VWF: variants seen among roughly 807,000 people sequenced by gnomAD.
VWF encodes von Willebrand factor.
In VWF, 176 loss-of-function variants were observed where a neutral mutation model predicts 308.6. The observed-to-expected ratio is 0.57, with a 90% CI of 0.50 to 0.65. The LOEUF is 0.65. Among genes scored for constraint, VWF ranks in the 30% least tolerant of loss-of-function variants. VWF has a pLI of 0.00. For missense variants in VWF, 3,146 were observed against 3,648.2 expected (o/e 0.86, Z 3.55); for synonymous variants, 1,385 against 1,443.4 (o/e 0.96, Z 0.92).
intron 34 of VWF, among the ~76,000 whole-genome samples, chr12:6,006,171 T>G (rs1209809176): frequency 6.6e-6 from 1 of 152,340 alleles, no homozygotes; most frequent in South Asian, 2.1e-4. Flanking sequence ...TAAGTTGTTA[T>G]AAGCTTAGAA....
At chr12:6,007,356 AG>A (rs1943940986) in intron 34 of VWF, among the ~76,000 whole-genome samples, 1 of 152,252 alleles carries the variant, frequency 6.6e-6, no homozygotes, top group African/African-American at 2.4e-5. Context: ...AAATTTAAGG[AG>A]GCTAAAATCA....
At chr12:5,967,749 C>G (rs1943420765) in intron 46 of VWF, 147 bp from the exon 47 acceptor site, 1 of 783,924 alleles carries the variant, frequency 1.3e-6, no homozygotes, top group African/African-American at 1.7e-5. Context: ...GGCCCACTGC[C>G]TTCCCGTCCT....
At chr12:5,994,382 G>A in intron 36 of VWF, 33 bp downstream of exon 36, 1 of 1,611,788 alleles carries the variant, frequency 6.2e-7, no homozygotes, top group Non-Finnish European at 8.5e-7. Context: ...ATGTATAGCA[G>A]GGGGAGAAGA....
intron 6 of VWF, among the ~76,000 whole-genome samples, chr12:6,093,232 G>A (rs1303735706): frequency 1.3e-5 from 2 of 152,156 alleles, no homozygotes; most frequent in Non-Finnish European, 2.9e-5. Flanking sequence ...CACAGCGTAG[G>A]TGCCCATTCA....
At chr12:6,051,649 G>A (rs895283449) in intron 16 of VWF, among the ~76,000 whole-genome samples, 2 of 151,990 alleles carry the variant, frequency 1.3e-5, no homozygotes, top group Non-Finnish European at 2.9e-5. Context: ...TCCCTCTGTC[G>A]CCCGGGCTAG....
chr12:5,977,866 T>C (rs1338571963), intron 42 of VWF, among the ~76,000 whole-genome samples: 1 of 147,982 alleles, frequency 6.8e-6, no homozygotes, highest in Non-Finnish European at 1.5e-5. Flanking sequence ...CAAGACCCTA[T>C]CTCTCTCTCT....
chr12:6,051,611 A>G (rs955271506), intron 16 of VWF, among the ~76,000 whole-genome samples: 2 of 152,086 alleles, frequency 1.3e-5, no homozygotes, highest in African/African-American at 2.4e-5. Flanking sequence ...CTAGTAGACT[A>G]TCAGGTACTG....
chr12:5,952,241 T>C, intron 49 of VWF, 150 bp downstream of exon 49: 1 of 1,174,738 alleles, frequency 8.5e-7, no homozygotes. Context: ...TCCGTAGGCT[T>C]TGATTTCGTA....
chr12:6,069,309 C>T (rs796234501), intron 10 of VWF, among the ~76,000 whole-genome samples: 2 of 152,134 alleles, frequency 1.3e-5, no homozygotes, highest in East Asian at 1.9e-4. Flanking sequence ...GATCTGAATA[C>T]GGGCAGGTCT....
chr12:6,019,757 C>A lies in VWF; in HGVS notation c.3675-14G>T. 3 of 1,605,038 alleles carry A rather than the reference C, an allele frequency of 1.9e-6. No homozygotes were observed. The highest frequency in any genetic ancestry group is 1.7e-6 in the Non-Finnish European group (2 of 1,176,110). On this transcript the variant is annotated splice_polypyrimidine_tract_variant and intron_variant, in intron 27 of 51. Coordinates refer to ENST00000261405, the MANE Select transcript of VWF (RefSeq NM_000552.5). This position sits in a 1 kb window ranked among gnomAD's most constrained non-coding sequence, Gnocchi z 5.8. ...ACATCACAGTGGCTGCAGAAAAGAG[C>A]GAAGAAATTAAAATGGTTCAGGAAG... is the stretch of plus-strand genomic sequence containing the variant.
At chr12:5,978,818 G>T (rs776799709) in intron 42 of VWF, among the ~76,000 whole-genome samples, 8 of 152,120 alleles carry the variant, frequency 5.3e-5, no homozygotes, top group Non-Finnish European at 1.0e-4. Flanking sequence ...AGATCATACC[G>T]CCTAAATACC....
intron 16 of VWF, among the ~76,000 whole-genome samples, chr12:6,050,281 C>T (rs1944494623): frequency 6.6e-6 from 1 of 152,206 alleles, no homozygotes; most frequent in Non-Finnish European, 1.5e-5. Flanking sequence ...TCTGCTTTCC[C>T]AGCGTCTCTG....
At chr12:6,088,896 C>T (rs546245601) in intron 6 of VWF, among the ~76,000 whole-genome samples, 1 of 152,288 alleles carries the variant, frequency 6.6e-6, no homozygotes, top group African/African-American at 2.4e-5. Context: ...GTTGGCATAA[C>T]AAGGAAACAT....
intron 3 of VWF, among the ~76,000 whole-genome samples, chr12:6,115,979 G>C (rs933751975): frequency 6.6e-6 from 1 of 152,284 alleles, no homozygotes; most frequent in South Asian, 2.1e-4. Flanking sequence ...ACAGGGCATC[G>C]GAGTGTTCTA....
chr12:6,063,871 C>G lies in VWF; in HGVS notation c.1432+375G>C, dbSNP rs1944683667. ...TGTGACATCACCAGCCACCCCCGAT[C>G]TCTCAGCATCAGCCTCTGCCCCTGT... On this transcript the variant is annotated intron_variant, in intron 12 of 51. Transcript: ENST00000261405. This position sits in a 1 kb window ranked among gnomAD's most constrained non-coding sequence, Gnocchi z 4.9. Among the ~76,000 whole-genome samples the G allele has an allele frequency of 6.6e-6, 1 of 152,152 alleles. No homozygotes were observed. Among genetic ancestry groups the G allele is most frequent in the South Asian group, 2.1e-4 (1 of 4,826 alleles).
chr12:5,993,739 A>C, intron 37 of VWF, 123 bp downstream of exon 37: 2 of 825,538 alleles, frequency 2.4e-6, no homozygotes, highest in South Asian at 3.0e-5. Context: ...CTGGAATCCC[A>C]GGTCATACGA....
Position 5,993,867 on chromosome 12 carries a change from A to T in VWF, c.6593T>A (p.Phe2198Tyr). The change falls in exon 37 of 52, where the codon TTC becomes TAC. Residue 2198 changes from phenylalanine to tyrosine, a missense_variant. Physicochemically the swap from Phe to Tyr is conservative, Grantham distance 22. Transcript: ENST00000261405. ...GVCVDWRTPD[F>Y]CAMSCPPSLV... ...GAGGTAACTTGGAGACTCACCACAGAAATCAGGTGTCCTCCAGTCAACGCA... is the reference window on the plus strand; with the variant it reads ...GAGGTAACTTGGAGACTCACCACAGTAATCAGGTGTCCTCCAGTCAACGCA... The T allele has an allele frequency of 2.5e-6, 4 of 1,613,000 alleles. No individual in the cohort carries two copies. Among genetic ancestry groups the T allele is most frequent in the Non-Finnish European group, 3.4e-6 (4 of 1,179,896 alleles).
intron 47 of VWF, among the ~76,000 whole-genome samples, chr12:5,955,704 T>C (rs965127170): frequency 6.6e-6 from 1 of 152,150 alleles, no homozygotes; most frequent in Non-Finnish European, 1.5e-5. Flanking sequence ...ATAAATATGT[T>C]AAAGAGTCTA....
intron 13 of VWF, 53 bp downstream of exon 13, chr12:6,062,901 G>T: frequency 2.8e-6 from 4 of 1,450,366 alleles, no homozygotes; most frequent in Admixed American, 1.8e-5. Flanking sequence ...AGCACAAGGG[G>T]TACTTTGTAA....
Sources: allele counts gnomAD v4.1 joint callset (sites outside exome capture counted in the v4.1 genomes callset), GRCh38; gene constraint gnomAD v4.1.1; non-coding constraint Gnocchi (gnomAD v3.1); transcripts MANE v1.5; gene names NCBI Gene and HGNC (gene_info 2026-07-23, HGNC 2026-07-21).